Variants in ATG10 observed in about 807,000 individuals in gnomAD.
ATG10 encodes the protein ubiquitin-like-conjugating enzyme ATG10.
ATG10 carries 30 observed loss-of-function variants against 32.1 expected under a neutral mutation model. The ratio of observed to expected loss-of-function variants is 0.94; its 90% CI spans 0.70 to 1.27. ATG10 has a LOEUF of 1.27. Ranked by LOEUF, ATG10 falls within the 50% of genes most tolerant of loss-of-function variation. The pLI is 0.00. For missense variants in ATG10, 233 were observed against 262.3 expected, an observed-to-expected ratio of 0.89 and a Z score of 0.77; for synonymous variants, 87 against 91.5, an observed-to-expected ratio of 0.95 and a Z score of 0.28.
At chr5:82,121,408 A>G (rs925224966) in intron 3 of ATG10, among the ~76,000 whole-genome samples, 1 of 152,214 alleles carries the variant, frequency 6.6e-6, no homozygotes, top group African/African-American at 2.4e-5. Context: ...GCCTACAAGC[A>G]GGGATGATTT....
At chr5:81,975,813 T>C (rs1462417298) in intron 1 of ATG10, among the ~76,000 whole-genome samples, 2 of 152,020 alleles carry the variant, frequency 1.3e-5, no homozygotes, top group African/African-American at 4.8e-5. Flanking sequence ...CTTAGAGTTT[T>C]AAATTTAAAC....
chr5:81,976,524 A>T (rs1760880324), intron 1 of ATG10, among the ~76,000 whole-genome samples: 1 of 152,172 alleles, frequency 6.6e-6, no homozygotes. Context: ...GGAAAATGAA[A>T]CTTTAGCTTA....
chr5:82,040,159 T>C (rs1763041944), intron 2 of ATG10, among the ~76,000 whole-genome samples: 1 of 152,152 alleles, frequency 6.6e-6, no homozygotes, highest in South Asian at 2.1e-4. Flanking sequence ...GCTGAAGTAG[T>C]CACAGGCTAG....
intron 2 of ATG10, among the ~76,000 whole-genome samples, chr5:82,046,709 A>C (rs1763246405): frequency 6.6e-6 from 1 of 152,196 alleles, no homozygotes; most frequent in Admixed American, 6.5e-5. Context: ...AAAAACTGGG[A>C]AAGTTAATTA....
chr5:82,209,672 A>T (rs1360883422), intron 5 of ATG10, among the ~76,000 whole-genome samples: 1 of 152,220 alleles, frequency 6.6e-6, no homozygotes, highest in Non-Finnish European at 1.5e-5. Flanking sequence ...TGTAGTCTTC[A>T]TATGTATCCT....
chr5:82,025,538 G>A (rs1762568690), intron 2 of ATG10, among the ~76,000 whole-genome samples: 1 of 152,172 alleles, frequency 6.6e-6, no homozygotes, highest in African/African-American at 2.4e-5. Context: ...AGGCTGATAA[G>A]GGAGAAAGCT....
At chr5:82,252,419 A>T (rs1157587227) in intron 5 of ATG10, 143 bp from the exon 6 acceptor site, 7 of 623,554 alleles carry the variant, frequency 1.1e-5, no homozygotes, top group Non-Finnish European at 2.0e-5. Context: ...AATTGTTTTT[A>T]AAAATAGAAA....
intron 5 of ATG10, among the ~76,000 whole-genome samples, chr5:82,179,029 T>TA (rs1744137604): frequency 1.3e-5 from 2 of 152,146 alleles, no homozygotes; most frequent in East Asian, 1.9e-4. Context: ...TCGGGACACT[T>TA]ACATTAGCCT....
chr5:82,190,658 C>G (rs532015101), intron 5 of ATG10, among the ~76,000 whole-genome samples: 231 of 150,946 alleles, frequency 1.5e-3, no homozygotes, highest in Non-Finnish European at 2.9e-3. Context: ...GTAGTGCCAG[C>G]TACTTAGGAG....
At chr5:82,096,612 T>C (rs573229369) in intron 3 of ATG10, among the ~76,000 whole-genome samples, 4 of 152,314 alleles carry the variant, frequency 2.6e-5, no homozygotes, top group South Asian at 2.1e-4. Flanking sequence ...AGCTTTGTCA[T>C]TGAAGTCTTG....
chr5:82,237,007 C>A (rs1391965802), intron 5 of ATG10, among the ~76,000 whole-genome samples: 1 of 151,698 alleles, frequency 6.6e-6, no homozygotes, highest in Non-Finnish European at 1.5e-5. Flanking sequence ...CCTTTTTTTC[C>A]CCTTTTTTAA....
rs1389776064 is a variant in ATG10, at chr5:81,993,360, C to CTTCT, written c.108+5685_108+5688dup. Among the ~76,000 whole-genome samples, 325 of 46,758 alleles carry CTTCT rather than the reference C, an allele frequency of 7.0e-3. 10 individuals are homozygous for CTTCT. The highest frequency in any genetic ancestry group is 0.014 in the African/African-American group (151 of 10,980). The allele number at this position is 46,758 out of a possible 152,430, so 30.7% of individuals were successfully genotyped here. The stretch of plus-strand genomic sequence containing the variant: ...CCTTCTTTCTTTCTTTCTTTCTTTC[C>CTTCT]TTCTTTTCTTTTCTTTTCTTTTCTT... On this transcript the variant is annotated intron_variant, in intron 2 of 7. Transcript: ENST00000282185.
chr5:82,002,629 C>G (rs1761881570), intron 2 of ATG10, among the ~76,000 whole-genome samples: 1 of 152,056 alleles, frequency 6.6e-6, no homozygotes, highest in Non-Finnish European at 1.5e-5. Flanking sequence ...ACAACAGACA[C>G]TGGGTTCTAT....
intron 3 of ATG10, among the ~76,000 whole-genome samples, chr5:82,112,374 C>T (rs539623434): frequency 1.4e-4 from 21 of 151,826 alleles, no homozygotes; most frequent in Non-Finnish European, 2.8e-4. Flanking sequence ...TGTATAGGTA[C>T]TGTAATTGTG....
At chr5:82,194,524 A>C (rs1367523965) in intron 5 of ATG10, among the ~76,000 whole-genome samples, 2 of 152,150 alleles carry the variant, frequency 1.3e-5, no homozygotes, top group East Asian at 3.9e-4. Context: ...GGAATATGTA[A>C]GTCCATTTTG....
intron 3 of ATG10, among the ~76,000 whole-genome samples, chr5:82,123,797 A>G (rs1766141970): frequency 6.7e-6 from 1 of 149,552 alleles, no homozygotes; most frequent in East Asian, 2.0e-4. Context: ...TTAGCCATGC[A>G]TGGTGGTGTA....
At chr5:82,015,939 C>T (rs1762273688) in intron 2 of ATG10, among the ~76,000 whole-genome samples, 1 of 152,112 alleles carries the variant, frequency 6.6e-6, no homozygotes, top group African/African-American at 2.4e-5. Context: ...GCTGTTTTTT[C>T]CCCATCTTCA....
At chr5:82,072,610 GA>G (rs980273811) in intron 3 of ATG10, among the ~76,000 whole-genome samples, 3 of 151,990 alleles carry the variant, frequency 2.0e-5, no homozygotes, top group Admixed American at 1.3e-4. Context: ...AAATAATGAA[GA>G]AAAAATTCAG....
At chr5:82,177,159 G>C (rs1330430901) in intron 4 of ATG10, among the ~76,000 whole-genome samples, 1 of 152,124 alleles carries the variant, frequency 6.6e-6, no homozygotes, top group Non-Finnish European at 1.5e-5. Context: ...ACACAGTCCT[G>C]GGTGCATTCA....
Sources: gnomAD v4.1 joint callset for allele counts (sites outside exome capture counted in the v4.1 genomes callset) on GRCh38, gnomAD v4.1.1 for gene constraint, MANE v1.5 for transcripts, NCBI Gene and HGNC (gene_info 2026-07-23, HGNC 2026-07-21) for gene names.